Variants in DEFB115 observed in about 807,000 individuals in gnomAD.
DEFB115 encodes defensin beta 115, also known as beta-defensin 115.
A neutral mutation model predicts 8.8 loss-of-function variants in DEFB115; 7 were observed. The ratio of observed to expected loss-of-function variants is 0.79; its 90% CI spans 0.45 to 1.49. The LOEUF (loss-of-function observed/expected upper bound fraction) is 1.49, where lower values mean the gene tolerates loss of function less well. Among genes scored for constraint, DEFB115 ranks in the 40% most tolerant of loss-of-function variants. The pLI is 0.01. For synonymous variants in DEFB115, 62 were observed against 37.6 expected (o/e 1.65, Z -2.37); for missense variants, 143 against 99.4 (o/e 1.44, Z -1.86).
At chr20:31,258,142 C>T (rs573038914) in intron 1 of DEFB115, among the ~76,000 whole-genome samples, 5 of 152,312 alleles carry the variant, frequency 3.3e-5, no homozygotes, top group South Asian at 2.1e-4. Flanking sequence ...AGTCTCATTA[C>T]TTCACTTCTC....
intron 1 of DEFB115, among the ~76,000 whole-genome samples, chr20:31,259,148 AG>A (rs1399217610): frequency 6.6e-6 from 1 of 152,180 alleles, no homozygotes; most frequent in Non-Finnish European, 1.5e-5. Flanking sequence ...AGATAATTGA[AG>A]GCTTAGTCCC....
chr20:31,257,735 G>T lies in DEFB115; in HGVS notation c.72G>T (p.Val24=), dbSNP rs753625257. 1.9e-6 allele frequency: 3 copies of T among 1,613,908 alleles called. No homozygotes were observed. In the Admixed American group the frequency reaches 5.0e-5, roughly 27 times the overall value. Residue 24 remains valine, a synonymous_variant, in exon 1 of 2, where the codon GTG becomes GTT. Coordinates refer to ENST00000400552, the MANE Select transcript of DEFB115 (RefSeq NM_001037730.1). ...KLSVLALVVL[V]VLAQTAPDGW... ...CTGTCCTGGCCTTAGTTGTCCTTGTGGTCCTGGCTCAGACTGCCCCAGGTA... is the reference window on the plus strand; with the variant it reads ...CTGTCCTGGCCTTAGTTGTCCTTGTTGTCCTGGCTCAGACTGCCCCAGGTA...
Position 31,259,554 on chromosome 20 carries a change from T to G in DEFB115, c.189T>G (p.His63Gln), listed in dbSNP as rs1227503678. Residue 63 changes from histidine to glutamine, a missense_variant, in exon 2 of 2, where the codon CAT becomes CAG. His to Gln is a conservative substitution (Grantham distance 24). Transcript: ENST00000400552. ...AGAAAGAAAAATGTGGGGAAAAACA[T>G]ATTTGCTGTGTCCCTAAAGAAAAGG... ...ERKKEKCGEK[H>Q]ICCVPKEKDK... The G allele has an allele frequency of 6.8e-6, 11 of 1,612,898 alleles. No individual in the cohort carries two copies. The highest frequency in any genetic ancestry group is 8.5e-6 in the Non-Finnish European group (10 of 1,179,566).
intron 1 of DEFB115, among the ~76,000 whole-genome samples, chr20:31,258,973 C>A (rs1983829071): frequency 6.6e-6 from 1 of 152,074 alleles, no homozygotes; most frequent in Admixed American, 6.5e-5. Context: ...CACACAAACA[C>A]AACTTCAGCC....
intron 1 of DEFB115, among the ~76,000 whole-genome samples, chr20:31,258,575 T>C (rs6120961): frequency 0.016 from 2,442 of 152,296 alleles, 47 homozygotes; most frequent in African/African-American, 0.054. Context: ...GGGCTAACCC[T>C]GAGTTGGCTT....
intron 1 of DEFB115, among the ~76,000 whole-genome samples, chr20:31,258,056 C>T (rs551009187): frequency 6.6e-6 from 1 of 152,248 alleles, no homozygotes; most frequent in Admixed American, 6.5e-5. Context: ...GCCTCTGGCC[C>T]ATATGTCAAC....
At chr20:31,258,139 T>G (rs1983803077) in intron 1 of DEFB115, among the ~76,000 whole-genome samples, 1 of 152,234 alleles carries the variant, frequency 6.6e-6, no homozygotes, top group South Asian at 2.1e-4. Context: ...ATCAGTCTCA[T>G]TACTTCACTT....
chr20:31,257,826 A>T (rs1983796657), intron 1 of DEFB115, 69 bp downstream of exon 1: 34 of 1,392,594 alleles, frequency 2.4e-5, no homozygotes, highest in Non-Finnish European at 3.5e-5. Flanking sequence ...ATCACTGGAA[A>T]ATTGAACATG....
At chr20:31,259,373 C>T (rs1983840539) in intron 1 of DEFB115, 87 bp from the exon 2 acceptor site, 2 of 1,337,510 alleles carry the variant, frequency 1.5e-6, no homozygotes, top group South Asian at 1.7e-5. Context: ...TCACTCTAAC[C>T]ATTATTACTA....
At chr20:31,259,150 G>A (rs1983834536) in intron 1 of DEFB115, among the ~76,000 whole-genome samples, 1 of 152,072 alleles carries the variant, frequency 6.6e-6, no homozygotes, top group Non-Finnish European at 1.5e-5. Flanking sequence ...ATAATTGAAG[G>A]CTTAGTCCCA....
chr20:31,258,373 G>A (rs961937691), intron 1 of DEFB115, among the ~76,000 whole-genome samples: 1 of 152,174 alleles, frequency 6.6e-6, no homozygotes, highest in Non-Finnish European at 1.5e-5. Flanking sequence ...TCATGGCCAG[G>A]TGGTGAATAA....
rs1983844109 is a variant in DEFB115 at position 31,259,469 on chromosome 20, T to C, written c.104T>C (p.Ile35Thr). The C allele has an allele frequency of 6.2e-7, 1 of 1,606,990 alleles. No individual in the cohort carries two copies. The highest frequency in any genetic ancestry group is 1.1e-5 in the South Asian group (1 of 89,184). The change falls in exon 2 of 2, where the codon ATC becomes ACC. Residue 35 changes from isoleucine to threonine, a missense_variant. By Grantham distance (89) the Ile-to-Thr change is moderately conservative. Coordinates refer to ENST00000400552, the MANE Select transcript of DEFB115 (RefSeq NM_001037730.1). ...TTGCTTATTTTGATAGATGGATGGA[T>C]CAGAAGGTGCTATTATGGAACTGGC... The part of the protein sequence containing the change: ...VLAQTAPDGW[I>T]RRCYYGTGRC...
intron 1 of DEFB115, among the ~76,000 whole-genome samples, chr20:31,259,008 C>T (rs1314278618): frequency 6.6e-6 from 1 of 152,078 alleles, no homozygotes; most frequent in African/African-American, 2.4e-5. Flanking sequence ...GTAAATTGGT[C>T]ATCCATTGTT....
chr20:31,258,305 G>T (rs1293863688), intron 1 of DEFB115, among the ~76,000 whole-genome samples: 1 of 152,184 alleles, frequency 6.6e-6, no homozygotes, highest in Non-Finnish European at 1.5e-5. Flanking sequence ...GGTTACAGCA[G>T]AAGATTTTGG....
intron 1 of DEFB115, among the ~76,000 whole-genome samples, 178 bp downstream of exon 1, chr20:31,257,935 T>G (rs1377853752): frequency 2.6e-5 from 4 of 152,186 alleles, no homozygotes; most frequent in Admixed American, 2.6e-4. Context: ...GGCCTGACCA[T>G]GGTGGTGGTT....
chr20:31,259,616 G>C lies in DEFB115; in HGVS notation c.251G>C (p.Ser84Thr). The C allele has an allele frequency of 6.2e-7, 1 of 1,604,446 alleles. No individual in the cohort carries two copies. The change falls in exon 2 of 2, where the codon AGT becomes ACT. Residue 84 changes from serine to threonine, a missense_variant. Transcript: ENST00000400552. ...CACATTCACGACCAAAAAGAGACAA[G>C]TGAGCTATATATCTAGTTGCGACTC... ...LSHIHDQKET[S>T]ELYI
At chr20:31,259,377 A>G (rs939416615) in intron 1 of DEFB115, 83 bp from the exon 2 acceptor site, 6 of 1,362,396 alleles carry the variant, frequency 4.4e-6, no homozygotes, top group Non-Finnish European at 5.9e-6. Context: ...TCTAACCATT[A>G]TTACTATTAC....
intron 1 of DEFB115, among the ~76,000 whole-genome samples, chr20:31,258,316 C>T (rs946082344): frequency 1.6e-4 from 24 of 152,172 alleles, no homozygotes; most frequent in Admixed American, 3.9e-4. Flanking sequence ...AAGATTTTGG[C>T]TTTCAAGTTG....
Position 31,259,322 on chromosome 20 carries a change from T to C in DEFB115, c.95-138T>C, listed in dbSNP as rs1171603787. ...TAGTCATTAAACATGCACAAATTTATAACATTCCCATGAATGCCTTTAAGT... is the reference window on the plus strand; with the variant it reads ...TAGTCATTAAACATGCACAAATTTACAACATTCCCATGAATGCCTTTAAGT... On this transcript the variant is annotated intron_variant, in intron 1 of 1. Transcript: ENST00000400552. 7.0e-6 allele frequency: 6 copies of C among 861,710 alleles called. No individual in the cohort carries two copies. The East Asian group carries it at 1.7e-4, about 25-fold the overall frequency. The allele number at this position is 861,710 out of a possible 1,614,324, so 53.4% of individuals were successfully genotyped here. A position where few individuals can be genotyped will look rare whatever the true frequency, so the allele number is the denominator to read the frequency against.
Sources: allele counts gnomAD v4.1 joint callset (sites outside exome capture counted in the v4.1 genomes callset), GRCh38; gene constraint gnomAD v4.1.1; transcripts MANE v1.5; gene names NCBI Gene and HGNC (gene_info 2026-07-23, HGNC 2026-07-21).